The following IMMP2L variants were observed in gnomAD, a reference collection of about 807,000 sequenced individuals.
The protein encoded by IMMP2L is mitochondrial inner membrane protease subunit 2.
In IMMP2L, 18 loss-of-function variants were observed where a neutral mutation model predicts 19.3. The observed-to-expected ratio is 0.93, with a 90% CI of 0.64 to 1.38. IMMP2L has a LOEUF of 1.38. Ranked by LOEUF, IMMP2L falls within the 40% of genes most tolerant of loss-of-function variation. The pLI is 0.00. For synonymous variants in IMMP2L, 76 were observed against 73.0 expected, an observed-to-expected ratio of 1.04 and a Z score of -0.21; for missense variants, 233 against 218.2, an observed-to-expected ratio of 1.07 and a Z score of -0.43.
chr7:111,210,901 A>AT (rs1313973549), intron 3 of IMMP2L, among the ~76,000 whole-genome samples: 1 of 152,176 alleles, frequency 6.6e-6, no homozygotes, highest in Non-Finnish European at 1.5e-5. Context: ...AGCAGTGTAG[A>AT]TAAGGATAAG....
intron 3 of IMMP2L, among the ~76,000 whole-genome samples, chr7:111,292,478 G>A (rs1821217879): frequency 6.6e-6 from 1 of 151,960 alleles, no homozygotes; most frequent in Non-Finnish European, 1.5e-5. Context: ...CAGTTTACAT[G>A]TACTAGTTCT....
intron 5 of IMMP2L, among the ~76,000 whole-genome samples, chr7:110,834,967 A>G (rs1346603624): frequency 6.6e-6 from 1 of 152,126 alleles, no homozygotes; most frequent in Admixed American, 6.6e-5. Context: ...ATGCCAGGTA[A>G]ACACTGAGTG....
At chr7:111,302,114 C>T (rs1822319326) in intron 3 of IMMP2L, among the ~76,000 whole-genome samples, 1 of 152,008 alleles carries the variant, frequency 6.6e-6, no homozygotes, top group Non-Finnish European at 1.5e-5. Flanking sequence ...TCTCTGAGTA[C>T]ATCTTAGTAA....
chr7:111,429,876 A>T (rs1171865329), intron 3 of IMMP2L, among the ~76,000 whole-genome samples: 1 of 151,660 alleles, frequency 6.6e-6, no homozygotes, highest in Non-Finnish European at 1.5e-5. Flanking sequence ...CAGACCCAAA[A>T]ATCAAAATCA....
chr7:111,497,702 A>C (rs1288673651), intron 2 of IMMP2L, among the ~76,000 whole-genome samples: 1 of 152,046 alleles, frequency 6.6e-6, no homozygotes, highest in Non-Finnish European at 1.5e-5. Flanking sequence ...CTTCAAAGTC[A>C]GAAGCTGGGT....
intron 3 of IMMP2L, among the ~76,000 whole-genome samples, chr7:111,125,625 A>T (rs1801212530): frequency 6.6e-6 from 1 of 152,194 alleles, no homozygotes; most frequent in South Asian, 2.1e-4. Context: ...ATTAAATAGC[A>T]ATCATAATTT....
chr7:110,837,145 T>TA (rs1369258268), intron 5 of IMMP2L, among the ~76,000 whole-genome samples: 2 of 152,152 alleles, frequency 1.3e-5, no homozygotes, highest in Non-Finnish European at 2.9e-5. Flanking sequence ...ACATGATACA[T>TA]TCATATTATG....
At chr7:111,060,800 G>T (rs1793948349) in intron 3 of IMMP2L, among the ~76,000 whole-genome samples, 1 of 152,158 alleles carries the variant, frequency 6.6e-6, no homozygotes, top group African/African-American at 2.4e-5. Flanking sequence ...TGGGAAAATG[G>T]ATACTGTGTA....
chr7:110,774,306 G>A (rs950611738), intron 5 of IMMP2L, among the ~76,000 whole-genome samples: 2 of 152,084 alleles, frequency 1.3e-5, no homozygotes, highest in African/African-American at 4.8e-5. Flanking sequence ...CTGTTCTTCA[G>A]TGCTGCAAAC....
At chr7:111,409,052 TTC>T (rs1231735103) in intron 3 of IMMP2L, among the ~76,000 whole-genome samples, 1 of 151,810 alleles carries the variant, frequency 6.6e-6, no homozygotes, top group African/African-American at 2.4e-5. Flanking sequence ...GCTGACAAGC[TTC>T]TGTCAGTTAA....
At chr7:110,812,346 C>A (rs139444147) in intron 5 of IMMP2L, among the ~76,000 whole-genome samples, 3 of 152,152 alleles carry the variant, frequency 2.0e-5, no homozygotes, top group African/African-American at 7.2e-5. Context: ...TTTCTGATCA[C>A]CCTCTGCATC....
chr7:111,145,310 C>T (rs1468001889), intron 3 of IMMP2L, among the ~76,000 whole-genome samples: 1 of 151,986 alleles, frequency 6.6e-6, no homozygotes, highest in Non-Finnish European at 1.5e-5. Context: ...GGCTGGAGGA[C>T]AGAAGCAGGA....
intron 4 of IMMP2L, among the ~76,000 whole-genome samples, chr7:110,922,913 G>A (rs1814452395): frequency 6.6e-6 from 1 of 152,160 alleles, no homozygotes; most frequent in African/African-American, 2.4e-5. Context: ...GACTCTGATT[G>A]ATTTTCTGAT....
chr7:111,501,708 A>C (rs1844282868), intron 2 of IMMP2L, among the ~76,000 whole-genome samples: 1 of 152,174 alleles, frequency 6.6e-6, no homozygotes, highest in Non-Finnish European at 1.5e-5. Flanking sequence ...CCAGAATTTC[A>C]TATCCAGCCA....
At chr7:110,802,631 C>T (rs1801341574) in intron 5 of IMMP2L, among the ~76,000 whole-genome samples, 2 of 151,960 alleles carry the variant, frequency 1.3e-5, no homozygotes. Context: ...TTATTAGCGT[C>T]TTCTTTGTTA....
rs117391900 is a variant in IMMP2L, at chr7:110,928,296, A to G, written c.305+35204T>C. 1.4e-3 allele frequency among the ~76,000 whole-genome samples: 209 copies of G among 151,348 alleles called. 7 individuals carry two copies. In the East Asian group the frequency reaches 0.034, roughly 25 times the overall value. On this transcript the variant is annotated intron_variant, in intron 4 of 5. Coordinates refer to ENST00000405709, the MANE Select transcript of IMMP2L (RefSeq NM_032549.4). Reference sequence around the variant, plus strand: ...TAAGAACAATAAAGAAAAATTTATTATCCAAAATATAATTAAAAATATATG... The same window carrying G: ...TAAGAACAATAAAGAAAAATTTATTGTCCAAAATATAATTAAAAATATATG...
At chr7:111,484,845 G>A (rs1438847669) in intron 3 of IMMP2L, among the ~76,000 whole-genome samples, 1 of 152,064 alleles carries the variant, frequency 6.6e-6, no homozygotes, top group African/African-American at 2.4e-5. Flanking sequence ...GGAGTGCAGT[G>A]GCACAATCAC....
At chr7:110,744,849 A>T (rs530555915) in intron 5 of IMMP2L, among the ~76,000 whole-genome samples, 44 of 152,302 alleles carry the variant, frequency 2.9e-4, no homozygotes, top group Middle Eastern at 6.8e-3. Context: ...TTCTCCTCCA[A>T]AGGATCACAA....
intron 5 of IMMP2L, among the ~76,000 whole-genome samples, chr7:110,774,181 A>G (rs543516905): frequency 2.7e-4 from 41 of 152,226 alleles, no homozygotes; most frequent in African/African-American, 9.9e-4. Flanking sequence ...AATATTTTAC[A>G]GAGAAGATTG....
Sources: allele counts gnomAD v4.1 joint callset (sites outside exome capture counted in the v4.1 genomes callset), GRCh38; gene constraint gnomAD v4.1.1; transcripts MANE v1.5; gene names NCBI Gene and HGNC (gene_info 2026-07-23, HGNC 2026-07-21).